Variants in MYH15 observed in about 807,000 individuals in gnomAD.
MYH15 encodes myosin heavy chain 15.
MYH15 carries 227 observed loss-of-function variants against 240.5 expected under a neutral mutation model. The observed-to-expected ratio is 0.94, with a 90% CI of 0.85 to 1.05. MYH15 has a LOEUF of 1.05. Among genes scored for constraint, MYH15 ranks in the 50% least tolerant of loss-of-function variants. The pLI is 0.00. For missense variants in MYH15, 2,217 were observed against 2,247.5 expected, an observed-to-expected ratio of 0.99 and a Z score of 0.27; for synonymous variants, 785 against 796.7, an observed-to-expected ratio of 0.99 and a Z score of 0.25.
chr3:108,498,255 A>G lies in MYH15; in HGVS notation c.525-110T>C, dbSNP rs971222501. The G allele has an allele frequency of 8.2e-5, 73 of 887,402 alleles. 1 individual carries two copies. The South Asian group carries it at 1.0e-3, about 12-fold the overall frequency. The allele number at this position is 887,402 out of a possible 1,614,324, so 55.0% of individuals were successfully genotyped here. On this transcript the variant is annotated intron_variant, in intron 5 of 40. Coordinates refer to ENST00000693548, the MANE Select transcript of MYH15 (RefSeq NM_014981.3). ...TGGCAAGCAGGGAAGCTTTTACATA[A>G]AAGTAGAGCTTCAGATGGAACTTGA...
At chr3:108,388,471 A>G (rs760994003) in intron 38 of MYH15, among the ~76,000 whole-genome samples, 1 of 152,152 alleles carries the variant, frequency 6.6e-6, no homozygotes, top group African/African-American at 2.4e-5. Context: ...GTCTCTCTTT[A>G]GTATTTTGTT....
At chr3:108,428,160 C>T (rs752872499) in intron 27 of MYH15, among the ~76,000 whole-genome samples, 14 of 152,132 alleles carry the variant, frequency 9.2e-5, no homozygotes, top group Non-Finnish European at 2.1e-4. Context: ...GCACTTATAA[C>T]AAAAGTCATT....
rs139182637 is a variant in MYH15, at chr3:108,413,819, G to A, written c.4145+413C>T. The stretch of plus-strand genomic sequence containing the variant: ...TCACAGACTACTTTGTAGTCTACAA[G>A]TTGTAGACCAGGGACACAACGACTT... On this transcript the variant is annotated intron_variant, in intron 30 of 40. Transcript: ENST00000693548. Among the ~76,000 whole-genome samples, 332 of 152,182 alleles carry A rather than the reference G, an allele frequency of 2.2e-3. 1 individual carries two copies. Among genetic ancestry groups the A allele is most frequent in the African/African-American group, 7.0e-3 (290 of 41,526 alleles).
chr3:108,407,317 T>A (rs989855249), intron 32 of MYH15, among the ~76,000 whole-genome samples: 1 of 152,186 alleles, frequency 6.6e-6, no homozygotes, highest in East Asian at 1.9e-4. Flanking sequence ...TAACACTGAC[T>A]GCCACACCTT....
At chr3:108,408,501 T>G (rs950759485) in intron 31 of MYH15, 97 bp from the exon 32 acceptor site, 6 of 1,236,840 alleles carry the variant, frequency 4.9e-6, no homozygotes, top group African/African-American at 1.5e-5. Flanking sequence ...ACTGGAACAG[T>G]GACCTCATGC....
At chr3:108,528,985 G>C (rs1267732963) in intron 1 of MYH15, among the ~76,000 whole-genome samples, 2 of 152,194 alleles carry the variant, frequency 1.3e-5, no homozygotes, top group East Asian at 3.8e-4. Flanking sequence ...TCTGAGAAAA[G>C]GGAAGTGAGA....
chr3:108,432,144 C>T (rs113689582), intron 25 of MYH15, among the ~76,000 whole-genome samples: 18,942 of 152,130 alleles, frequency 0.12, 1,397 homozygotes, highest in South Asian at 0.25. Context: ...CTGCAACCTC[C>T]ACCTCCCAGG....
intron 35 of MYH15, 52 bp from the exon 36 acceptor site, chr3:108,394,208 G>T (rs763343563): frequency 6.2e-7 from 1 of 1,608,342 alleles, no homozygotes. Flanking sequence ...CAATGCAAAT[G>T]CAAGCTGGTC....
chr3:108,398,992 G>T, intron 34 of MYH15, 83 bp downstream of exon 34: 1 of 1,497,732 alleles, frequency 6.7e-7, no homozygotes, highest in Non-Finnish European at 9.2e-7. Context: ...CTTTACTGCT[G>T]AACACAATCT....
Position 108,464,820 on chromosome 3 carries a change from G to A in MYH15, c.1555-6C>T, listed in dbSNP as rs769473232. On this transcript the variant is annotated splice_polypyrimidine_tract_variant and splice_region_variant and intron_variant, in intron 14 of 40. Coordinates refer to ENST00000693548, the MANE Select transcript of MYH15 (RefSeq NM_014981.3). The stretch of plus-strand genomic sequence containing the variant: ...ATGGAAAGGATGCCCATTGGCTGTT[G>A]AAGAGACATAAGAGCAGCAGATTTC... 2.5e-6 allele frequency: 4 copies of A among 1,599,880 alleles called. No individual in the cohort carries two copies. Among genetic ancestry groups the A allele is most frequent in the Non-Finnish European group, 2.6e-6 (3 of 1,175,286 alleles).
At chr3:108,494,077 G>A (rs147638911) in intron 7 of MYH15, among the ~76,000 whole-genome samples, 3 of 152,334 alleles carry the variant, frequency 2.0e-5, no homozygotes, top group African/African-American at 7.2e-5. Flanking sequence ...GTGGGATCAG[G>A]ATGCTGGAAC....
chr3:108,411,800 T>C (rs552560348), intron 30 of MYH15, among the ~76,000 whole-genome samples: 1 of 152,270 alleles, frequency 6.6e-6, no homozygotes, highest in South Asian at 2.1e-4. Context: ...TCTCCGGAAT[T>C]AATAGGACTG....
chr3:108,485,059 A>AGT, intron 11 of MYH15, 32 bp downstream of exon 11: 1 of 1,608,186 alleles, frequency 6.2e-7, no homozygotes, highest in East Asian at 2.2e-5. Flanking sequence ...AGAGATTTGA[A>AGT]GTATATACCA....
chr3:108,496,933 G>A (rs1197774917), intron 6 of MYH15, among the ~76,000 whole-genome samples: 5 of 151,652 alleles, frequency 3.3e-5, no homozygotes, highest in Admixed American at 2.0e-4. Flanking sequence ...AGGCCTACGC[G>A]GGAGGATCAC....
At chr3:108,421,001 CAGTGGGT>C (rs1488693378) in intron 28 of MYH15, 80 bp downstream of exon 28, 1 of 1,548,506 alleles carries the variant, frequency 6.5e-7, no homozygotes, top group East Asian at 2.3e-5. Flanking sequence ...CACTCAGCCT[CAGTGGGT>C]AGTTCATTAT....
intron 1 of MYH15, among the ~76,000 whole-genome samples, chr3:108,526,794 T>C (rs1402220591): frequency 1.3e-5 from 2 of 152,176 alleles, no homozygotes; most frequent in African/African-American, 2.4e-5. Context: ...TTATTAAGCC[T>C]TGACTTTAAT....
chr3:108,542,819 G>T, the MYH15 span, among the ~76,000 whole-genome samples: 4 of 151,590 alleles, frequency 2.6e-5, no homozygotes, highest in African/African-American at 9.7e-5. Context: ...ATTCCCGTTA[G>T]CTTGCTGAGA....
intron 1 of MYH15, among the ~76,000 whole-genome samples, chr3:108,517,682 G>T (rs2083585517): frequency 6.6e-6 from 1 of 152,008 alleles, no homozygotes. Context: ...TGGCCAGGCT[G>T]GTCTTGAACT....
intron 9 of MYH15, among the ~76,000 whole-genome samples, chr3:108,491,439 G>A (rs1304673731): frequency 6.6e-6 from 1 of 151,784 alleles, no homozygotes; most frequent in Non-Finnish European, 1.5e-5. Context: ...CACAAAACTT[G>A]GGGATATTTT....
Sources: allele counts gnomAD v4.1 joint callset (sites outside exome capture counted in the v4.1 genomes callset), GRCh38; gene constraint gnomAD v4.1.1; transcripts MANE v1.5; gene names NCBI Gene and HGNC (gene_info 2026-07-23, HGNC 2026-07-21).